The following LRMDA variants were observed in gnomAD, a reference collection of about 807,000 sequenced individuals.
The protein encoded by LRMDA is leucine rich melanocyte differentiation associated.
A neutral mutation model predicts 29.8 loss-of-function variants in LRMDA; 18 were observed. That is an observed-to-expected ratio of 0.60 (90% confidence interval 0.42 to 0.90). The LOEUF is 0.90. Ranked by LOEUF, LRMDA falls within the 40% of genes least tolerant of loss-of-function variation. The probability of loss-of-function intolerance (pLI) is 0.00; values close to 1 mark genes in which losing one functional copy is unlikely to be tolerated. For synonymous variants in LRMDA, 125 were observed against 109.4 expected (o/e 1.14, Z -0.89); for missense variants, 273 against 273.9 (o/e 1.00, Z 0.02).
chr10:75,947,330 G>A (rs1846493256), intron 2 of LRMDA, among the ~76,000 whole-genome samples: 2 of 152,198 alleles, frequency 1.3e-5, no homozygotes, highest in South Asian at 4.1e-4. Context: ...GGAACATGGT[G>A]CTGATGAGCT....
At chr10:76,223,949 C>T (rs1049198118) in intron 5 of LRMDA, among the ~76,000 whole-genome samples, 2 of 152,016 alleles carry the variant, frequency 1.3e-5, no homozygotes, top group African/African-American at 2.4e-5. Context: ...TCTTGCCTGC[C>T]GGATATGGAA....
intron 2 of LRMDA, among the ~76,000 whole-genome samples, chr10:75,892,702 G>A (rs920394327): frequency 2.0e-5 from 3 of 152,180 alleles, no homozygotes; most frequent in African/African-American, 4.8e-5. Context: ...TGTGGCTGGA[G>A]TAGAGGGAAG....
At chr10:76,360,948 C>T (rs946941978) in intron 6 of LRMDA, among the ~76,000 whole-genome samples, 11 of 152,086 alleles carry the variant, frequency 7.2e-5, no homozygotes, top group Admixed American at 4.6e-4. Context: ...TTGAGGACAG[C>T]ATGCTAACAT....
rs550148415 is a variant in LRMDA at position 76,134,890 on chromosome 10, G to C, written c.516+76107G>C. Among the ~76,000 whole-genome samples, 35 of 152,168 alleles carry C rather than the reference G, an allele frequency of 2.3e-4. No individual in the cohort carries two copies. The South Asian group carries it at 7.1e-3, about 31-fold the overall frequency. The stretch of plus-strand genomic sequence containing the variant: ...ATAAAAGCAAGTAATACAACTATGA[G>C]GCAAAATCATGCCAGAAAAGAAATA... On this transcript the variant is annotated intron_variant, in intron 5 of 6. Transcript: ENST00000611255.
intron 2 of LRMDA, among the ~76,000 whole-genome samples, chr10:75,854,664 C>T (rs947453088): frequency 1.3e-5 from 2 of 151,948 alleles, no homozygotes; most frequent in Non-Finnish European, 2.9e-5. Context: ...GTGTGCTGCA[C>T]CCATTAACTC....
At chr10:76,091,840 C>T (rs1849236452) in intron 5 of LRMDA, among the ~76,000 whole-genome samples, 2 of 149,800 alleles carry the variant, frequency 1.3e-5, no homozygotes, top group Admixed American at 6.7e-5. Flanking sequence ...TGTGTGCCAC[C>T]ACATCTGGGT....
At chr10:75,746,440 ACTT>A (rs1458321045) in intron 2 of LRMDA, among the ~76,000 whole-genome samples, 1 of 152,172 alleles carries the variant, frequency 6.6e-6, no homozygotes, top group African/African-American at 2.4e-5. Context: ...TAAGATCAGA[ACTT>A]CTAGTTCAGG....
chr10:76,140,786 G>A (rs1026250481), intron 5 of LRMDA, among the ~76,000 whole-genome samples: 2 of 152,064 alleles, frequency 1.3e-5, no homozygotes, highest in Admixed American at 6.6e-5. Context: ...TCATTAGCCA[G>A]AAAAGATTAA....
chr10:75,444,745 G>C (rs1844370584), intron 2 of LRMDA, among the ~76,000 whole-genome samples: 1 of 152,130 alleles, frequency 6.6e-6, no homozygotes, highest in Non-Finnish European at 1.5e-5. Context: ...GGAAAACCCA[G>C]AGAAAGTATG....
chr10:75,824,411 C>T (rs887176883), intron 2 of LRMDA, among the ~76,000 whole-genome samples: 3 of 152,196 alleles, frequency 2.0e-5, no homozygotes, highest in African/African-American at 7.2e-5. Context: ...TGCTTTCATG[C>T]TATAGTGGCA....
At chr10:75,971,086 A>G (rs1435306743) in intron 2 of LRMDA, among the ~76,000 whole-genome samples, 4 of 152,072 alleles carry the variant, frequency 2.6e-5, no homozygotes, top group Non-Finnish European at 4.4e-5. Context: ...GTCCAATACT[A>G]TTCCCTTTGC....
intron 2 of LRMDA, among the ~76,000 whole-genome samples, chr10:76,020,636 G>T (rs775458361): frequency 6.6e-6 from 1 of 152,184 alleles, no homozygotes; most frequent in African/African-American, 2.4e-5. Context: ...GGGGCCCTGG[G>T]TATGGGGCCT....
rs200150137 is a variant in LRMDA at position 76,500,848 on chromosome 10, C to CT, written c.602-56354dup. Among the ~76,000 whole-genome samples, 542 of 71,196 alleles carry CT rather than the reference C, an allele frequency of 7.6e-3. 157 individuals carry two copies. The highest frequency in any genetic ancestry group is 0.032 in the Middle Eastern group (4 of 124). 46.7% of individuals were successfully genotyped at this position (71,196 alleles called of 152,430 possible). A position where few individuals can be genotyped will look rare whatever the true frequency, so the allele number is the denominator to read the frequency against. ...TTTACACACTATGCTTATTTTCTGCCTTTTTTTAAAAAAAAAATAAAAGTA... is the reference window on the plus strand; with the variant it reads ...TTTACACACTATGCTTATTTTCTGCCTTTTTTTTAAAAAAAAAATAAAAGTA... On this transcript the variant is annotated intron_variant, in intron 6 of 6. Transcript: ENST00000611255.
rs114834207 is a variant in LRMDA, at chr10:75,524,806, C to T, written c.131+86312C>T. On this transcript the variant is annotated intron_variant, in intron 2 of 6. Transcript: ENST00000611255. ...TGTTAATTTTGTCCCATCCATCCAT[C>T]TGGCATTTGTTAAGTACTTGAGATG... Among the ~76,000 whole-genome samples the T allele has an allele frequency of 3.0e-3, 460 of 152,230 alleles. 4 individuals are homozygous for T. Among genetic ancestry groups the T allele is most frequent in the African/African-American group, 0.011 (447 of 41,524 alleles).
At chr10:75,739,200 G>A (rs1178750334) in intron 2 of LRMDA, among the ~76,000 whole-genome samples, 2 of 152,214 alleles carry the variant, frequency 1.3e-5, no homozygotes, top group Non-Finnish European at 2.9e-5. Context: ...GTCAGAGTGA[G>A]AGAAATTGGT....
intron 5 of LRMDA, among the ~76,000 whole-genome samples, chr10:76,159,068 G>T (rs1321918860): frequency 1.3e-5 from 2 of 152,042 alleles, no homozygotes; most frequent in South Asian, 2.1e-4. Context: ...TCAAAACAAT[G>T]TTATTTCTGG....
intron 6 of LRMDA, among the ~76,000 whole-genome samples, chr10:76,482,619 G>C (rs1842743026): frequency 2.6e-5 from 4 of 151,900 alleles, no homozygotes; most frequent in Non-Finnish European, 5.9e-5. Context: ...TTTGCTTCCA[G>C]TTTGGGGCTA....
chr10:76,000,812 G>A (rs140173599), intron 2 of LRMDA, among the ~76,000 whole-genome samples: 19 of 152,264 alleles, frequency 1.2e-4, no homozygotes, highest in Admixed American at 5.2e-4. Flanking sequence ...GTCTGATTAC[G>A]TAAAGTTGAT....
intron 2 of LRMDA, among the ~76,000 whole-genome samples, chr10:75,491,863 G>A (rs960947411): frequency 1.1e-4 from 17 of 152,034 alleles, no homozygotes; most frequent in South Asian, 2.1e-4. Flanking sequence ...ATAAAACTCC[G>A]TGAGCAAATG....
Sources: allele counts gnomAD v4.1 joint callset (sites outside exome capture counted in the v4.1 genomes callset), GRCh38; gene constraint gnomAD v4.1.1; transcripts MANE v1.5; gene names NCBI Gene and HGNC (gene_info 2026-07-23, HGNC 2026-07-21).